WASHC4: variants seen among roughly 807,000 people sequenced by gnomAD.
The protein encoded by WASHC4 is WASH complex subunit 7.
A neutral mutation model predicts 166.6 loss-of-function variants in WASHC4; 86 were observed. The observed-to-expected ratio is 0.52, with a 90% CI of 0.43 to 0.62. The LOEUF is 0.62. Among genes scored for constraint, WASHC4 ranks in the 20% least tolerant of loss-of-function variants. WASHC4 has a pLI of 0.00. For missense variants in WASHC4, 1,262 were observed against 1,382.4 expected, an observed-to-expected ratio of 0.91 and a Z score of 1.38; for synonymous variants, 446 against 451.6, an observed-to-expected ratio of 0.99 and a Z score of 0.16.
chr12:105,138,959 C>T (rs1430339443), intron 15 of WASHC4, among the ~76,000 whole-genome samples: 2 of 152,168 alleles, frequency 1.3e-5, no homozygotes. Context: ...AATTGCATCT[C>T]AACCTGTCCA....
chr12:105,125,967 G>A, intron 10 of WASHC4, 37 bp from the exon 11 acceptor site: 9 of 1,590,798 alleles, frequency 5.7e-6, no homozygotes, highest in Non-Finnish European at 6.9e-6. Context: ...GTTTATTATT[G>A]AGAGTCTGAA....
At position 105,168,889 on chromosome 12, in the gene WASHC4, A is replaced by T. The variant is rs558399488; in HGVS notation, c.*1958A>T. On this transcript the variant is annotated 3_prime_UTR_variant, in exon 33 of 33. Coordinates refer to ENST00000332180, the MANE Select transcript of WASHC4 (RefSeq NM_015275.3). The stretch of plus-strand genomic sequence containing the variant: ...ATTTTTCTTGATAACATTAACATTA[A>T]TTTTATTTTTTCAGACATACTGTAA... The T allele has an allele frequency of 1.4e-4, 22 of 152,506 alleles. No homozygotes were observed. The highest frequency in any genetic ancestry group is 2.8e-4 in the Non-Finnish European group (19 of 67,958). The allele number at this position is 152,506 out of a possible 1,614,324, so 9.4% of individuals were successfully genotyped here.
intron 14 of WASHC4, among the ~76,000 whole-genome samples, chr12:105,134,365 T>A (rs1882125298): frequency 1.3e-5 from 2 of 152,106 alleles, no homozygotes; most frequent in African/African-American, 2.4e-5. Flanking sequence ...TATTTGTCAG[T>A]TGTAGCATTT....
intron 10 of WASHC4, among the ~76,000 whole-genome samples, chr12:105,122,929 A>G (rs905651472): frequency 6.6e-6 from 1 of 152,194 alleles, no homozygotes; most frequent in Non-Finnish European, 1.5e-5. Flanking sequence ...ATAGCCCTAC[A>G]GTGGCCTCTA....
chr12:105,118,746 G>A (rs1397615288), intron 7 of WASHC4, among the ~76,000 whole-genome samples: 1 of 152,184 alleles, frequency 6.6e-6, no homozygotes, highest in Non-Finnish European at 1.5e-5. Flanking sequence ...AGTGTCTACA[G>A]AACAATCTTC....
rs370239525 is a variant in WASHC4, at chr12:105,115,550, T to G, written c.368-111T>G. ...TGTAAAAATTCTGTTTTCAATACTA[T>G]GCAGAGTAAAAGATGTCCTAATGAA... On this transcript the variant is annotated intron_variant, in intron 5 of 32. Coordinates refer to ENST00000332180, the MANE Select transcript of WASHC4 (RefSeq NM_015275.3). 1.0e-4 allele frequency: 80 copies of G among 772,886 alleles called. No individual in the cohort carries two copies. The East Asian group carries it at 1.1e-3, about 11-fold the overall frequency. 47.9% of individuals were successfully genotyped at this position (772,886 alleles called of 1,614,324 possible). A position where few individuals can be genotyped will look rare whatever the true frequency, so the allele number is the denominator to read the frequency against.
intron 15 of WASHC4, among the ~76,000 whole-genome samples, chr12:105,139,485 C>T (rs1882633342): frequency 7.6e-6 from 1 of 130,868 alleles, no homozygotes; most frequent in South Asian, 2.6e-4. Context: ...TAGAAAATTA[C>T]ATTAGAAATA....
At chr12:105,122,288 A>G (rs1880832960) in intron 10 of WASHC4, 50 bp downstream of exon 10, 4 of 1,583,840 alleles carry the variant, frequency 2.5e-6, no homozygotes, top group Non-Finnish European at 3.5e-6. Context: ...ATTAGACGAC[A>G]AAGCTCAGAA....
At position 105,121,131 on chromosome 12, in the gene WASHC4, A is replaced by G. The variant is rs1880702141; in HGVS notation, c.592A>G (p.Thr198Ala). 6 of 1,613,148 alleles carry G rather than the reference A, an allele frequency of 3.7e-6. No homozygotes were observed. Among genetic ancestry groups the G allele is most frequent in the Non-Finnish European group, 5.1e-6 (6 of 1,179,530 alleles). The part of the protein sequence containing the change: ...TMYEHLGELL[T>A]VLLTLDEIID... ...GTATGAGCACTTGGGAGAACTGCTA[A>G]CAGTTTTGCTCACCCTGGATGAAAT... Residue 198 changes from threonine (T) to alanine (A), a missense_variant, in exon 9 of 33, where the codon ACA becomes GCA. Transcript: ENST00000332180.
chr12:105,146,459 A>C lies in WASHC4; in HGVS notation c.2342A>C (p.Asp781Ala), dbSNP rs753039619. 1 of 1,572,148 alleles carries C rather than the reference A, an allele frequency of 6.4e-7. No individual in the cohort carries two copies. The highest frequency in any genetic ancestry group is 8.8e-7 in the Non-Finnish European group (1 of 1,142,260). ...ATGTGTATTATGTTGTAGGGCCTTG[A>C]TGTTTTAGAAATTATGAGAAACATT... ...LPSQTLEQGL[D>A]VLEIMRNIHI... Residue 781 changes from aspartate to alanine, a missense_variant, in exon 23 of 33, where the codon GAT (aspartate) becomes GCT (alanine). Transcript: ENST00000332180.
chr12:105,142,048 A>C (rs1450988901), intron 18 of WASHC4, among the ~76,000 whole-genome samples: 1 of 151,354 alleles, frequency 6.6e-6, no homozygotes, highest in Non-Finnish European at 1.5e-5. Context: ...TTTTCTTTCC[A>C]ACTTAGAGTC....
In WASHC4 at chr12:105,140,413, A is replaced by G. The variant is rs1178508054; in HGVS notation, c.1560+12A>G. On this transcript the variant is annotated intron_variant, in intron 16 of 32. Transcript: ENST00000332180. ...TTTCTGTGGCCAAGGTATGCAGCTT[A>G]TTATGTATTTAGCATAAGTATGTTA... 4.5e-6 allele frequency: 7 copies of G among 1,542,380 alleles called. No homozygotes were observed. The highest frequency in any genetic ancestry group is 6.3e-6 in the Non-Finnish European group (7 of 1,114,812).
intron 29 of WASHC4, 91 bp from the exon 30 acceptor site, chr12:105,162,658 T>C (rs1204454780): frequency 2.8e-6 from 2 of 722,808 alleles, no homozygotes; most frequent in Non-Finnish European, 5.0e-6. Context: ...TTATAGTGAT[T>C]CTATTTATAA....
chr12:105,118,855 T>G (rs1400612194), intron 7 of WASHC4, among the ~76,000 whole-genome samples: 1 of 152,172 alleles, frequency 6.6e-6, no homozygotes. Context: ...GTTGCCTGAC[T>G]CTAATGGAGT....
chr12:105,147,196 C>A (rs762243370), intron 24 of WASHC4, 50 bp downstream of exon 24: 6 of 1,038,164 alleles, frequency 5.8e-6, no homozygotes, highest in African/African-American at 1.6e-5. Context: ...CGTTTAATAG[C>A]TTGGAACGTG....
intron 19 of WASHC4, among the ~76,000 whole-genome samples, chr12:105,142,838 A>G (rs188462535): frequency 9.2e-5 from 14 of 152,212 alleles, no homozygotes; most frequent in Admixed American, 1.3e-4. Flanking sequence ...GCAAATTACA[A>G]TGCAAAAGAA....
In WASHC4 at chr12:105,152,462, AT is replaced by A. The variant is rs1336736424; in HGVS notation, c.2758+12del. 7.0e-7 allele frequency: 1 copy of A among 1,436,764 alleles called. No homozygotes were observed. The highest frequency in any genetic ancestry group is 9.8e-7 in the Non-Finnish European group (1 of 1,018,852). 89.0% of individuals were successfully genotyped at this position (1,436,764 alleles called of 1,614,324 possible). ...TCATCAGCCAGATTGGTAAGTTATGATAAAAGTGTTGGGAAATCAGGTACAG... is the reference window on the plus strand; with the variant it reads ...TCATCAGCCAGATTGGTAAGTTATGAAAAAGTGTTGGGAAATCAGGTACAG... On this transcript the variant is annotated intron_variant, in intron 26 of 32. Transcript: ENST00000332180.
chr12:105,146,937 A>C (rs1883344736), intron 23 of WASHC4, 105 bp from the exon 24 acceptor site: 6 of 737,594 alleles, frequency 8.1e-6, no homozygotes, highest in Non-Finnish European at 1.5e-5. Context: ...TTTTCAATTA[A>C]ATTGTCTTTA....
intron 13 of WASHC4, among the ~76,000 whole-genome samples, chr12:105,131,127 T>C (rs1196818): frequency 0.97 from 145,670 of 149,502 alleles, 70,986 homozygotes; most frequent in East Asian, 1. Flanking sequence ...TCTCCCAGGT[T>C]GGACTGCGGA....
Sources: gnomAD v4.1 joint callset for allele counts (sites outside exome capture counted in the v4.1 genomes callset) on GRCh38, gnomAD v4.1.1 for gene constraint, MANE v1.5 for transcripts, NCBI Gene and HGNC (gene_info 2026-07-23, HGNC 2026-07-21) for gene names.